The following ERBB4 variants were observed in gnomAD, a reference collection of about 807,000 sequenced individuals.
The protein encoded by ERBB4 is receptor tyrosine-protein kinase erbB-4.
ERBB4 carries 42 observed loss-of-function variants against 158.0 expected under a neutral mutation model. That is an observed-to-expected ratio of 0.27 (90% confidence interval 0.21 to 0.34). ERBB4 has a LOEUF of 0.34. Among genes scored for constraint, ERBB4 ranks in the 10% least tolerant of loss-of-function variants. The pLI is 1.00. For missense variants in ERBB4, 1,333 were observed against 1,624.1 expected, an observed-to-expected ratio of 0.82 and a Z score of 3.08; for synonymous variants, 583 against 558.7, an observed-to-expected ratio of 1.04 and a Z score of -0.61.
rs139881233 is a variant in ERBB4, at chr2:211,869,008, A to C, written c.421+78422T>G. ...AACATCATTATGTTGCTCCCTACAT[A>C]AAAATGTTTTATGACTTAACATTTT... On this transcript the variant is annotated intron_variant, in intron 3 of 27. Coordinates refer to ENST00000342788, the MANE Select transcript of ERBB4 (RefSeq NM_005235.3). Among the ~76,000 whole-genome samples, 580 of 152,234 alleles carry C rather than the reference A, an allele frequency of 3.8e-3. 3 individuals are homozygous for C. The highest frequency in any genetic ancestry group is 0.013 in the African/African-American group (549 of 41,552).
intron 1 of ERBB4, among the ~76,000 whole-genome samples, chr2:212,241,389 G>T (rs1328021128): frequency 6.6e-6 from 1 of 152,052 alleles, no homozygotes; most frequent in Non-Finnish European, 1.5e-5. Flanking sequence ...TCATCAAAAT[G>T]ATCTTAAATT....
chr2:212,327,835 T>C (rs1299086647), intron 1 of ERBB4, among the ~76,000 whole-genome samples: 1 of 139,412 alleles, frequency 7.2e-6, no homozygotes, highest in African/African-American at 2.7e-5. Context: ...AAAGCATAGA[T>C]TTTATATGTA....
chr2:211,992,581 A>C (rs1007768644), intron 2 of ERBB4, among the ~76,000 whole-genome samples: 2 of 149,836 alleles, frequency 1.3e-5, no homozygotes, highest in African/African-American at 2.4e-5. Flanking sequence ...AAAAAAAAAA[A>C]CATGAGTTTG....
intron 1 of ERBB4, among the ~76,000 whole-genome samples, chr2:212,529,059 C>A (rs1692603400): frequency 6.6e-6 from 1 of 152,060 alleles, no homozygotes; most frequent in South Asian, 2.1e-4. Context: ...TCTGCAAAAT[C>A]ACTTAATAAC....
intron 2 of ERBB4, among the ~76,000 whole-genome samples, chr2:212,096,842 C>G (rs1038817330): frequency 6.6e-6 from 1 of 152,114 alleles, no homozygotes; most frequent in African/African-American, 2.4e-5. Context: ...CAGCTGGAAT[C>G]TTGAGTGCTC....
chr2:211,716,620 G>A (rs1452405163), intron 7 of ERBB4, among the ~76,000 whole-genome samples: 2 of 151,928 alleles, frequency 1.3e-5, no homozygotes, highest in Non-Finnish European at 2.9e-5. Context: ...AGCTTGCAGT[G>A]AGCCGAGATT....
intron 3 of ERBB4, among the ~76,000 whole-genome samples, chr2:211,850,057 A>G (rs958040388): frequency 1.3e-5 from 2 of 152,094 alleles, no homozygotes; most frequent in South Asian, 4.1e-4. Context: ...TCTATCTTCC[A>G]TCCAACCTTC....
At position 211,379,282 on chromosome 2, in the gene ERBB4, A is replaced by G. The variant is rs374122268; in HGVS notation, c.*4333T>C. ...AGAACATTTACATTTTCTTTACTTC[A>G]TCTTGAAGACCCTTACTTAGTCATA... On this transcript the variant is annotated 3_prime_UTR_variant, in exon 28 of 28. Transcript: ENST00000342788. 2.1e-4 allele frequency: 48 copies of G among 228,514 alleles called. No individual in the cohort carries two copies. Among genetic ancestry groups the G allele is most frequent in the African/African-American group, 1.0e-3 (45 of 44,938 alleles). 14.2% of individuals were successfully genotyped at this position (228,514 alleles called of 1,614,324 possible).
intron 2 of ERBB4, among the ~76,000 whole-genome samples, chr2:212,026,855 G>A (rs1351683530): frequency 6.6e-6 from 1 of 151,492 alleles, no homozygotes; most frequent in Non-Finnish European, 1.5e-5. Flanking sequence ...AGTCTTCCTA[G>A]TTTTTTCAAG....
At chr2:211,836,915 A>C (rs2077356167) in intron 3 of ERBB4, among the ~76,000 whole-genome samples, 1 of 152,074 alleles carries the variant, frequency 6.6e-6, no homozygotes, top group East Asian at 1.9e-4. Context: ...AATGGGAGCC[A>C]AATAGTTAAG....
At chr2:212,047,671 A>G (rs2077291680) in intron 2 of ERBB4, among the ~76,000 whole-genome samples, 1 of 147,932 alleles carries the variant, frequency 6.8e-6, no homozygotes, top group Non-Finnish European at 1.5e-5. Flanking sequence ...TTTAGTAGAG[A>G]TGGGGTTTCA....
intron 20 of ERBB4, among the ~76,000 whole-genome samples, chr2:211,466,613 C>T (rs1269889802): frequency 6.6e-6 from 1 of 152,082 alleles, no homozygotes; most frequent in Non-Finnish European, 1.5e-5. Context: ...GAAATAAACA[C>T]CACACACCTG....
chr2:211,604,794 T>C (rs542636813), intron 19 of ERBB4, among the ~76,000 whole-genome samples: 1 of 152,172 alleles, frequency 6.6e-6, no homozygotes, highest in Non-Finnish European at 1.5e-5. Flanking sequence ...GTGATGAAAA[T>C]AAAACCCTGT....
chr2:211,924,473 TA>T (rs761536043), intron 3 of ERBB4, among the ~76,000 whole-genome samples: 33 of 150,992 alleles, frequency 2.2e-4, no homozygotes, highest in Admixed American at 4.6e-4. Context: ...TCTATAAAAA[TA>T]AAAAAAAATA....
intron 1 of ERBB4, among the ~76,000 whole-genome samples, chr2:212,322,431 TAA>T (rs34964796): frequency 1.3e-5 from 2 of 149,510 alleles, no homozygotes; most frequent in African/African-American, 4.9e-5. Flanking sequence ...TTAAAAGCTA[TAA>T]AAAAAAATCC....
At chr2:212,403,623 C>T (rs1318625559) in intron 1 of ERBB4, among the ~76,000 whole-genome samples, 1 of 151,766 alleles carries the variant, frequency 6.6e-6, no homozygotes, top group Non-Finnish European at 1.5e-5. Context: ...GTTAAATAAG[C>T]CAGTCATAGA....
intron 1 of ERBB4, 51 bp downstream of exon 1, chr2:212,538,397 AG>A (rs1484209451): frequency 1.3e-5 from 20 of 1,531,782 alleles, no homozygotes; most frequent in Middle Eastern, 1.8e-4. Flanking sequence ...CACTCGAGGC[AG>A]CCCCGCCGGC....
At chr2:211,806,597 G>T (rs564139760) in intron 3 of ERBB4, among the ~76,000 whole-genome samples, 3 of 152,100 alleles carry the variant, frequency 2.0e-5, no homozygotes, top group Non-Finnish European at 4.4e-5. Flanking sequence ...GAAATGTACA[G>T]AAAATAATAC....
At chr2:211,741,850 A>G (rs1276587537) in intron 5 of ERBB4, among the ~76,000 whole-genome samples, 1 of 152,224 alleles carries the variant, frequency 6.6e-6, no homozygotes, top group Non-Finnish European at 1.5e-5. Context: ...TTAAATTACA[A>G]CAAATATTAT....
Sources: gnomAD v4.1 joint callset for allele counts (sites outside exome capture counted in the v4.1 genomes callset) on GRCh38, gnomAD v4.1.1 for gene constraint, MANE v1.5 for transcripts, NCBI Gene and HGNC (gene_info 2026-07-23, HGNC 2026-07-21) for gene names.